Variants in CFAP58 observed in about 807,000 individuals in gnomAD.
The protein encoded by CFAP58 is cilia and flagella associated protein 58.
Under a neutral mutation model 119.5 loss-of-function variants are expected in CFAP58, and 88 were observed. The ratio of observed to expected loss-of-function variants is 0.74; its 90% CI spans 0.62 to 0.88. CFAP58 has a LOEUF of 0.88. CFAP58 is among the 40% of genes least tolerant of loss of function. CFAP58 has a pLI of 0.00. For missense variants in CFAP58, 990 were observed against 1,021.2 expected, an observed-to-expected ratio of 0.97 and a Z score of 0.42; for synonymous variants, 365 against 366.3, an observed-to-expected ratio of 1.00 and a Z score of 0.04.
chr10:104,368,783 T>C (rs899513818), intron 6 of CFAP58, among the ~76,000 whole-genome samples: 6 of 152,224 alleles, frequency 3.9e-5, no homozygotes, highest in Non-Finnish European at 7.3e-5. Flanking sequence ...CATATGGTTA[T>C]GCAAATGGTT....
chr10:104,353,193 G>A (rs2014485584), upstream of CFAP58: 1 of 152,268 alleles, frequency 6.6e-6, no homozygotes, highest in African/African-American at 2.4e-5. Flanking sequence ...GGTCCCAGAA[G>A]AGAGATTTTC....
chr10:104,446,019 G>T (rs2013108542), intron 15 of CFAP58, among the ~76,000 whole-genome samples: 2 of 152,314 alleles, frequency 1.3e-5, no homozygotes, highest in East Asian at 1.9e-4. Context: ...TATAGAGAAA[G>T]GTGAGCTGAA....
the CFAP58 span, among the ~76,000 whole-genome samples, chr10:104,346,232 C>G: frequency 6.6e-6 from 1 of 152,080 alleles, no homozygotes; most frequent in Non-Finnish European, 1.5e-5. Flanking sequence ...CCAAGCCATT[C>G]ATGAGGGATC....
At chr10:104,436,594 A>C (rs2012937980) in intron 15 of CFAP58, among the ~76,000 whole-genome samples, 1 of 152,110 alleles carries the variant, frequency 6.6e-6, no homozygotes, top group African/African-American at 2.4e-5. Flanking sequence ...ACACCTAAAC[A>C]ACCAGATCTC....
At chr10:104,349,513 A>G (rs189050382), upstream of CFAP58, among the ~76,000 whole-genome samples, 10 of 152,020 alleles carry the variant, frequency 6.6e-5, no homozygotes, top group African/African-American at 2.4e-4. Flanking sequence ...TAACTTAATC[A>G]CCTCTTTAAA....
At chr10:104,438,260 C>G (rs1199182511) in intron 15 of CFAP58, among the ~76,000 whole-genome samples, 1 of 151,378 alleles carries the variant, frequency 6.6e-6, no homozygotes, top group African/African-American at 2.4e-5. Context: ...TAACTGGGTC[C>G]TTTGCTTAGG....
chr10:104,406,298 C>T (rs1346767656), intron 14 of CFAP58, among the ~76,000 whole-genome samples: 2 of 152,142 alleles, frequency 1.3e-5, no homozygotes, highest in Admixed American at 1.3e-4. Flanking sequence ...AAGGAGAAGA[C>T]ATACTGTCTC....
chr10:104,365,864 G>A lies in CFAP58; in HGVS notation c.648G>A (p.Arg216=). Residue 216 remains arginine, a synonymous_variant, in exon 5 of 18, where the codon CGG becomes CGA. Transcript: ENST00000369704. ...QRQNEASREF[R]KKEKLEKELK... is the part of the protein sequence containing the mutation. ...AGAACGAAGCTTCCCGGGAGTTCCG[G>A]AAGAAGGAAAAACTAGAGAAAGAGC... is the stretch of plus-strand genomic sequence containing the variant. 2 of 1,613,074 alleles carry A rather than the reference G, an allele frequency of 1.2e-6. No homozygotes were observed. The highest frequency in any genetic ancestry group is 1.7e-6 in the Non-Finnish European group (2 of 1,179,670).
At position 104,450,105 on chromosome 10, in the gene CFAP58, A is replaced by G. The variant is rs2013171099; in HGVS notation, c.2411A>G (p.Gln804Arg). The change falls in exon 17 of 18, where the codon CAG becomes CGG. Residue 804 changes from glutamine to arginine, a missense_variant. Physicochemically the swap from Gln to Arg is conservative, Grantham distance 43. Transcript: ENST00000369704. The stretch of plus-strand genomic sequence containing the variant: ...TCAGAATTGAATATGTATGAAGTAC[A>G]GAGCAAAGAATATAAATATGAGGTA... ...LSSELNMYEVQSKEYKYEVEK... is the reference protein window; with the variant it reads ...LSSELNMYEVRSKEYKYEVEK... The G allele has an allele frequency of 1.2e-6, 2 of 1,612,102 alleles. No individual in the cohort carries two copies. The highest frequency in any genetic ancestry group is 1.7e-6 in the Non-Finnish European group (2 of 1,179,220).
chr10:104,380,539 T>C (rs1228690517), intron 9 of CFAP58, among the ~76,000 whole-genome samples: 1 of 152,050 alleles, frequency 6.6e-6, no homozygotes, highest in Non-Finnish European at 1.5e-5. Context: ...GCCAGCATCA[T>C]CTCTCAACTC....
chr10:104,448,577 C>A (rs1285641265), intron 16 of CFAP58, among the ~76,000 whole-genome samples: 1 of 152,190 alleles, frequency 6.6e-6, no homozygotes, highest in Non-Finnish European at 1.5e-5. Context: ...GCACTTCCTG[C>A]CCAATGAGGG....
chr10:104,409,361 G>T (rs1482488048), intron 15 of CFAP58, among the ~76,000 whole-genome samples: 2 of 152,090 alleles, frequency 1.3e-5, no homozygotes, highest in Admixed American at 6.6e-5. Flanking sequence ...ATTGTTGTCT[G>T]TATTATACAG....
chr10:104,417,729 G>A (rs1046410213), intron 15 of CFAP58, among the ~76,000 whole-genome samples: 4 of 152,296 alleles, frequency 2.6e-5, no homozygotes, highest in East Asian at 1.9e-4. Flanking sequence ...TGTACTCTGC[G>A]CTGCCCTGTG....
At chr10:104,444,436 A>G (rs1270767419) in intron 15 of CFAP58, among the ~76,000 whole-genome samples, 2 of 152,204 alleles carry the variant, frequency 1.3e-5, no homozygotes, top group Non-Finnish European at 2.9e-5. Flanking sequence ...CATAAGATAG[A>G]TTCTCTTTAT....
chr10:104,345,976 A>G, the CFAP58 span, among the ~76,000 whole-genome samples: 2 of 152,028 alleles, frequency 1.3e-5, no homozygotes, highest in African/African-American at 4.8e-5. Flanking sequence ...GAGACTGGGT[A>G]ATTTATAAAA....
intron 8 of CFAP58, among the ~76,000 whole-genome samples, chr10:104,379,735 C>T (rs553815351): frequency 6.6e-6 from 1 of 152,332 alleles, no homozygotes; most frequent in African/African-American, 2.4e-5. Flanking sequence ...ATTGTATGAA[C>T]TTGTGGGCAA....
chr10:104,395,410 T>C (rs1289677948), intron 11 of CFAP58, among the ~76,000 whole-genome samples: 7 of 152,216 alleles, frequency 4.6e-5, no homozygotes, highest in African/African-American at 1.4e-4. Flanking sequence ...TATAGGAAGA[T>C]GATTGCTTTG....
chr10:104,357,772 TATATATGTGTGTTTATATAC>T (rs2014562822), intron 1 of CFAP58, among the ~76,000 whole-genome samples: 1 of 150,696 alleles, frequency 6.6e-6, no homozygotes, highest in East Asian at 1.9e-4. Context: ...TGTATGTGTG[TATATATGTGTGTTTATATAC>T]ATATATATAC....
chr10:104,454,789 T>C lies in CFAP58; in HGVS notation c.*259T>C, dbSNP rs759144846. 2.4e-6 allele frequency: 1 copy of C among 414,600 alleles called. No homozygotes were observed. Among genetic ancestry groups the C allele is most frequent in the Non-Finnish European group, 4.3e-6 (1 of 232,576 alleles). 25.7% of individuals were successfully genotyped at this position (414,600 alleles called of 1,614,324 possible). A position where few individuals can be genotyped will look rare whatever the true frequency, so the allele number is the denominator to read the frequency against. On this transcript the variant is annotated 3_prime_UTR_variant, in exon 18 of 18. Coordinates refer to ENST00000369704, the MANE Select transcript of CFAP58 (RefSeq NM_001008723.2). ...AGCAAATCTTTTGTTGCTACCCCAT[T>C]GATTGAAATGTACTAGACCTTAATT...
Sources: allele counts gnomAD v4.1 joint callset (sites outside exome capture counted in the v4.1 genomes callset), GRCh38; gene constraint gnomAD v4.1.1; transcripts MANE v1.5; gene names NCBI Gene and HGNC (gene_info 2026-07-23, HGNC 2026-07-21).